The following CDKN1A variants were observed in gnomAD, a reference collection of about 807,000 sequenced individuals.
CDKN1A encodes cyclin-dependent kinase inhibitor 1.
In CDKN1A, 14 loss-of-function variants were observed where a neutral mutation model predicts 14.8. That is an observed-to-expected ratio of 0.94 (90% confidence interval 0.62 to 1.48). The LOEUF is 1.48. Among genes scored for constraint, CDKN1A ranks in the 40% most tolerant of loss-of-function variants. The pLI, the probability that CDKN1A is intolerant of heterozygous loss-of-function variation, is 0.00. For missense variants in CDKN1A, 203 were observed against 231.7 expected, an observed-to-expected ratio of 0.88 and a Z score of 0.80; for synonymous variants, 92 against 93.5, an observed-to-expected ratio of 0.98 and a Z score of 0.09.
chr6:36,681,712 C>T lies in CDKN1A; in HGVS notation c.-5-2385C>T, dbSNP rs185143246. 3.5e-3 allele frequency among the ~76,000 whole-genome samples: 533 copies of T among 151,234 alleles called. 1 individual carries two copies. The highest frequency in any genetic ancestry group is 4.7e-3 in the Non-Finnish European group (316 of 67,880). On this transcript the variant is annotated intron_variant, in intron 1 of 2. Transcript: ENST00000244741. ...GGTTCACGCCATTCTCCTGCCTCAG[C>T]CTCCCGAGTAGCTGGGACTACAGGT...
Position 36,678,736 on chromosome 6 carries a change from T to G in CDKN1A, c.-68T>G. 1.0e-6 allele frequency: 1 copy of G among 985,530 alleles called. No individual in the cohort carries two copies. The highest frequency in any genetic ancestry group is 1.2e-6 in the Non-Finnish European group (1 of 830,074). The allele number at this position is 985,530 out of a possible 1,614,324, so 61.0% of individuals were successfully genotyped here. On this transcript the variant is annotated 5_prime_UTR_variant, in exon 1 of 3. Coordinates refer to ENST00000244741, the MANE Select transcript of CDKN1A (RefSeq NM_000389.5). The surrounding 1 kb of genome is among the most constrained non-coding windows in gnomAD (Gnocchi z 5.7). ...GCTGAGGTGTGAGCAGCTGCCGAAG[T>G]CAGTTCCTTGTGGAGCCGGAGCTGG...
rs934495629 is a variant in CDKN1A at position 36,678,887 on chromosome 6, C to T, written c.-6+89C>T. Reference sequence around the variant, plus strand: ...GCCCGCGTGTGTCCCTGCGTGTCCGCGAGGATGCGTGTTCGCGGGTGTGTG... The same window carrying T: ...GCCCGCGTGTGTCCCTGCGTGTCCGTGAGGATGCGTGTTCGCGGGTGTGTG... On this transcript the variant is annotated intron_variant, in intron 1 of 2. Transcript: ENST00000244741. The surrounding 1 kb of genome is among the most constrained non-coding windows in gnomAD (Gnocchi z 5.7). 7 of 985,594 alleles carry T rather than the reference C, an allele frequency of 7.1e-6. No individual in the cohort carries two copies. The highest frequency in any genetic ancestry group is 8.4e-6 in the Non-Finnish European group (7 of 830,136). The allele number at this position is 985,594 out of a possible 1,614,324, so 61.1% of individuals were successfully genotyped here. A position where few individuals can be genotyped will look rare whatever the true frequency, so the allele number is the denominator to read the frequency against.
intron 1 of CDKN1A, among the ~76,000 whole-genome samples, chr6:36,682,052 G>C (rs560050288): frequency 6.6e-6 from 1 of 152,268 alleles, no homozygotes; most frequent in South Asian, 2.1e-4. Flanking sequence ...GCCTCCCCAA[G>C]TGATTGTGAT....
Position 36,685,988 on chromosome 6 carries a change from A to G in CDKN1A, c.*188A>G. 1 of 641,684 alleles carries G rather than the reference A, an allele frequency of 1.6e-6. No homozygotes were observed. Among genetic ancestry groups the G allele is most frequent in the South Asian group, 1.8e-5 (1 of 56,864 alleles). 39.7% of individuals were successfully genotyped at this position (641,684 alleles called of 1,614,324 possible). A position where few individuals can be genotyped will look rare whatever the true frequency, so the allele number is the denominator to read the frequency against. On this transcript the variant is annotated 3_prime_UTR_variant, in exon 3 of 3. Transcript: ENST00000244741. ...TGGCATTAGAATTATTTAAACAAAA[A>G]CTAGGCGGTTGAATGAGAGGTTCCT...
At chr6:36,681,327 T>C (rs1231255103) in intron 1 of CDKN1A, among the ~76,000 whole-genome samples, 1 of 122,784 alleles carries the variant, frequency 8.1e-6, no homozygotes, top group African/African-American at 3.1e-5. Flanking sequence ...TTTCTTTCTT[T>C]CTTTCTTTTT....
intron 1 of CDKN1A, among the ~76,000 whole-genome samples, chr6:36,682,298 C>T (rs1056058505): frequency 1.3e-5 from 2 of 152,144 alleles, no homozygotes; most frequent in Non-Finnish European, 2.9e-5. Flanking sequence ...TTAGAACAGC[C>T]CCCAAACATA....
chr6:36,681,335 T>TCC (rs1394507405), intron 1 of CDKN1A, among the ~76,000 whole-genome samples: 6 of 25,682 alleles, frequency 2.3e-4, no homozygotes, highest in African/African-American at 8.2e-4. Context: ...TTTCTTTCTT[T>TCC]TTCTTTCTTT....
intron 1 of CDKN1A, among the ~76,000 whole-genome samples, chr6:36,680,269 C>T (rs1761871491): frequency 6.7e-6 from 1 of 149,190 alleles, no homozygotes; most frequent in South Asian, 2.1e-4. Context: ...GTGGAGGGGC[C>T]GGCTCCCGGC....
upstream of CDKN1A, chr6:36,678,611 G>A (rs2150304728): frequency 1.0e-6 from 1 of 964,262 alleles, no homozygotes; most frequent in Non-Finnish European, 1.2e-6. The surrounding 1 kb of genome is among the most constrained non-coding windows in gnomAD (Gnocchi z 5.7). Flanking sequence ...CCCCGGGGAG[G>A]GCGGTCCCGG....
intron 1 of CDKN1A, chr6:36,682,855 G>A (rs1044311356): frequency 6.6e-6 from 1 of 152,248 alleles, no homozygotes; most frequent in Admixed American, 6.5e-5. Flanking sequence ...CGGTTTCCTT[G>A]GACACAGGCA....
At chr6:36,680,819 A>C (rs1761915493) in intron 1 of CDKN1A, 1 of 152,276 alleles carries the variant, frequency 6.6e-6, no homozygotes, top group African/African-American at 2.4e-5. Context: ...TAAGGCAGGA[A>C]GGCCAATAAA....
chr6:36,680,277 G>GGCGC (rs201410543), intron 1 of CDKN1A, among the ~76,000 whole-genome samples: 1 of 140,908 alleles, frequency 7.1e-6, no homozygotes, highest in Non-Finnish European at 1.6e-5. Context: ...GCCGGCTCCC[G>GGCGC]GCGCGCGCGC....
At chr6:36,676,979 T>G (rs961920777), upstream of CDKN1A, among the ~76,000 whole-genome samples, 8 of 145,058 alleles carry the variant, frequency 5.5e-5, no homozygotes, top group African/African-American at 2.3e-4. Context: ...TTAAAAAAAA[T>G]TTTCTCCCCA....
At chr6:36,677,570 T>A, upstream of CDKN1A, 1 of 355,314 alleles carries the variant, frequency 2.8e-6, no homozygotes, top group Non-Finnish European at 5.5e-6. Context: ...GATAGACACA[T>A]CACTCATTTC....
At chr6:36,681,443 T>TTCTC in intron 1 of CDKN1A, among the ~76,000 whole-genome samples, 1 of 148,930 alleles carries the variant, frequency 6.7e-6, no homozygotes, top group East Asian at 1.9e-4. Context: ...CTTTCTCTCT[T>TTCTC]TCTTTCTTTT....
Position 36,684,524 on chromosome 6 carries a change from A to G in CDKN1A, c.423A>G (p.Lys141=). ...GACCTGGAGACTCTCAGGGTCGAAA[A>G]CGGCGGCAGACCAGCATGACAGGTG... ...PGGPGDSQGR[K]RRQTSMTDFY... is the part of the protein sequence containing the mutation. The change falls in exon 2 of 3, where the codon AAA becomes AAG. Residue 141 remains lysine, a synonymous_variant. Transcript: ENST00000244741. This position sits in a 1 kb window ranked among gnomAD's most constrained non-coding sequence, Gnocchi z 6.0. The G allele has an allele frequency of 1.2e-6, 2 of 1,614,160 alleles. No individual in the cohort carries two copies.
In CDKN1A at chr6:36,684,394, C is replaced by G; in HGVS notation, c.293C>G (p.Ser98Ter). ...ELGGGRRPGT[S>*]PALLQGTAEE... ...GGAGGAGGCAGGCGGCCTGGCACCTCACCTGCTCTGCTGCAGGGGACAGCA... is the reference window on the plus strand; with the variant it reads ...GGAGGAGGCAGGCGGCCTGGCACCTGACCTGCTCTGCTGCAGGGGACAGCA... The change falls in exon 2 of 3, where the codon TCA (serine) becomes TGA (stop). Residue 98 changes from serine to a stop codon, truncating the protein, a stop_gained. Coordinates refer to ENST00000244741, the MANE Select transcript of CDKN1A (RefSeq NM_000389.5). LOFTEE classifies it high-confidence loss of function. The surrounding 1 kb of genome is among the most constrained non-coding windows in gnomAD (Gnocchi z 6.0). The G allele has an allele frequency of 6.2e-7, 1 of 1,613,348 alleles. No homozygotes were observed. The highest frequency in any genetic ancestry group is 8.5e-7 in the Non-Finnish European group (1 of 1,179,750).
At chr6:36,677,808 C>T (rs763412231), upstream of CDKN1A, 37 of 1,200,892 alleles carry the variant, frequency 3.1e-5, no homozygotes, top group South Asian at 4.3e-4. Context: ...TTCTCTGAGC[C>T]CCAGTTTCCC....
chr6:36,685,649 C>T (rs1762173459), intron 2 of CDKN1A, 102 bp from the exon 3 acceptor site: 2 of 1,217,760 alleles, frequency 1.6e-6, no homozygotes, highest in Non-Finnish European at 1.2e-6. Flanking sequence ...CCCCATTGGC[C>T]CCAGGGAAGG....
Sources: gnomAD v4.1 joint callset for allele counts (sites outside exome capture counted in the v4.1 genomes callset) on GRCh38, gnomAD v4.1.1 for gene constraint, Gnocchi (gnomAD v3.1) non-coding constraint, MANE v1.5 for transcripts, NCBI Gene and HGNC (gene_info 2026-07-23, HGNC 2026-07-21) for gene names.